Variants in POFUT3 observed in about 807,000 individuals in gnomAD.
The protein encoded by POFUT3 is GDP-fucose protein O-fucosyltransferase 3.
the POFUT3 span, among the ~76,000 whole-genome samples, chr8:33,432,216 C>A: frequency 6.6e-6 from 1 of 151,980 alleles, no homozygotes; most frequent in African/African-American, 2.4e-5. Flanking sequence ...TCAAGACCAG[C>A]CTGGTCAACA....
chr8:33,461,499 G>A, the POFUT3 span: 1 of 1,612,514 alleles, frequency 6.2e-7, no homozygotes, highest in Non-Finnish European at 8.5e-7. Flanking sequence ...TGGTTACCAG[G>A]TGTTCTCTCG....
the POFUT3 span, among the ~76,000 whole-genome samples, chr8:33,316,053 A>T: frequency 6.6e-6 from 1 of 152,168 alleles, no homozygotes; most frequent in Non-Finnish European, 1.5e-5. Flanking sequence ...ACCTGGAAAC[A>T]TAGCAAGTGC....
chr8:33,441,671 G>A, the POFUT3 span, among the ~76,000 whole-genome samples: 17 of 151,594 alleles, frequency 1.1e-4, no homozygotes, highest in Non-Finnish European at 1.5e-4. Flanking sequence ...ACGAGCCACT[G>A]CACCCAGCCT....
chr8:33,461,324 A>G, the POFUT3 span: 1 of 1,554,822 alleles, frequency 6.4e-7, no homozygotes, highest in South Asian at 1.2e-5. Context: ...GTAGGGGGAC[A>G]TGGCAAAGGC....
At chr8:33,357,156 C>G in the POFUT3 span, among the ~76,000 whole-genome samples, 1 of 152,144 alleles carries the variant, frequency 6.6e-6, no homozygotes, top group African/African-American at 2.4e-5. Context: ...GTGATGCAGG[C>G]TCTTTTTTGG....
chr8:33,313,444 G>A, the POFUT3 span, among the ~76,000 whole-genome samples: 13,617 of 151,856 alleles, frequency 0.09, 1,136 homozygotes, highest in African/African-American at 0.21. Context: ...CATAATCTTC[G>A]CCCTCTTTGG....
chr8:33,451,066 A>ATGTGTGTGTGTG, the POFUT3 span, among the ~76,000 whole-genome samples: 18 of 148,018 alleles, frequency 1.2e-4, no homozygotes, highest in African/African-American at 3.5e-4. Context: ...AAGGAGGTGT[A>ATGTGTGTGTGTG]TGTGTGTGTG....
the POFUT3 span, chr8:33,451,644 G>A: frequency 6.6e-6 from 1 of 151,716 alleles, no homozygotes; most frequent in South Asian, 2.1e-4. Context: ...GTGTATATGT[G>A]TATGAACATA....
At chr8:33,314,824 C>T in the POFUT3 span, among the ~76,000 whole-genome samples, 1 of 152,134 alleles carries the variant, frequency 6.6e-6, no homozygotes, top group African/African-American at 2.4e-5. Flanking sequence ...TCAACCTCCT[C>T]ATCTGCCAAA....
chr8:33,313,021 G>A, the POFUT3 span, among the ~76,000 whole-genome samples: 2 of 152,172 alleles, frequency 1.3e-5, no homozygotes, highest in East Asian at 1.9e-4. Flanking sequence ...AATATGTACT[G>A]AGTACATACT....
chr8:33,322,464 G>GCTA, the POFUT3 span, among the ~76,000 whole-genome samples: 1 of 152,062 alleles, frequency 6.6e-6, no homozygotes, highest in Non-Finnish European at 1.5e-5. Flanking sequence ...TGCTGCTGCT[G>GCTA]CTACAGGGAA....
the POFUT3 span, among the ~76,000 whole-genome samples, chr8:33,316,587 A>G: frequency 6.6e-6 from 1 of 151,778 alleles, no homozygotes; most frequent in Admixed American, 6.6e-5. Flanking sequence ...AAAGAAAGAA[A>G]GAAAGAAAGC....
At chr8:33,395,789 T>C in the POFUT3 span, among the ~76,000 whole-genome samples, 9 of 152,090 alleles carry the variant, frequency 5.9e-5, no homozygotes, top group Non-Finnish European at 1.2e-4. Flanking sequence ...TGGGCTGGTA[T>C]GCGGTTTGTT....
the POFUT3 span, among the ~76,000 whole-genome samples, chr8:33,357,685 ATGC>A: frequency 7.9e-5 from 12 of 151,740 alleles, no homozygotes; most frequent in Non-Finnish European, 1.8e-4. Context: ...TTTGTTGTGC[ATGC>A]ACATACACGT....
the POFUT3 span, among the ~76,000 whole-genome samples, chr8:33,323,435 G>A: frequency 6.6e-6 from 1 of 152,150 alleles, no homozygotes; most frequent in Admixed American, 6.6e-5. Context: ...CACTCACAAA[G>A]GGTAATGAAG....
At chr8:33,469,260 C>A in the POFUT3 span, among the ~76,000 whole-genome samples, 7 of 152,220 alleles carry the variant, frequency 4.6e-5, no homozygotes, top group African/African-American at 1.7e-4. Context: ...GAGCCGAGAT[C>A]GCGCCACTGC....
the POFUT3 span, among the ~76,000 whole-genome samples, chr8:33,431,599 T>C: frequency 7.8e-6 from 1 of 127,776 alleles, no homozygotes; most frequent in African/African-American, 2.8e-5. Context: ...ATATCCTAAT[T>C]GCATAATTCC....
At chr8:33,390,008 A>T in the POFUT3 span, among the ~76,000 whole-genome samples, 1 of 152,152 alleles carries the variant, frequency 6.6e-6, no homozygotes, top group African/African-American at 2.4e-5. Flanking sequence ...CAGCCTGGCC[A>T]ACATGGTGAA....
chr8:33,322,673 T>A, the POFUT3 span, among the ~76,000 whole-genome samples: 4 of 152,086 alleles, frequency 2.6e-5, no homozygotes, highest in East Asian at 7.7e-4. Flanking sequence ...CAACAGGCAA[T>A]CTAATCCACT....
Sources: allele counts gnomAD v4.1 joint callset (sites outside exome capture counted in the v4.1 genomes callset), GRCh38; gene constraint gnomAD v4.1.1; transcripts MANE v1.5; gene names NCBI Gene and HGNC (gene_info 2026-07-23, HGNC 2026-07-21).